BPTF: variants seen among roughly 807,000 people sequenced by gnomAD.
The protein encoded by BPTF is bromodomain PHD finger transcription factor.
A neutral mutation model predicts 292.5 loss-of-function variants in BPTF; 18 were observed. The ratio of observed to expected loss-of-function variants is 0.06; its 90% CI spans 0.04 to 0.09. The LOEUF (loss-of-function observed/expected upper bound fraction) is 0.09, where lower values mean the gene tolerates loss of function less well. BPTF is among the 10% of genes least tolerant of loss of function. BPTF has a pLI of 1.00. For synonymous variants in BPTF, 1,225 were observed against 1,251.9 expected, an observed-to-expected ratio of 0.98 and a Z score of 0.45; for missense variants, 2,726 against 3,498.7, an observed-to-expected ratio of 0.78 and a Z score of 5.57.
At chr17:67,947,067 C>T (rs7501555) in intron 21 of BPTF, among the ~76,000 whole-genome samples, 35,671 of 152,186 alleles carry the variant, frequency 0.23, 5,441 homozygotes, top group Non-Finnish European at 0.33. Context: ...TCACTTATCC[C>T]TCCTTAGCTA....
In BPTF at chr17:67,911,567, C is replaced by T. The variant is rs1305706971; in HGVS notation, c.3683C>T (p.Thr1228Ile). 6.8e-6 allele frequency: 11 copies of T among 1,614,006 alleles called. No individual in the cohort carries two copies. Among genetic ancestry groups the T allele is most frequent in the Non-Finnish European group, 9.3e-6 (11 of 1,180,028 alleles). Reference sequence around the variant, plus strand: ...CTAGCCAGTGCAGATGATATTGGTACTTTGATCTGTAAGAACAAAAAACCG... The same window carrying T: ...CTAGCCAGTGCAGATGATATTGGTATTTTGATCTGTAAGAACAAAAAACCG... ...SKLASADDIGTLICKNKKPLI... is the reference protein window; with the variant it reads ...SKLASADDIGILICKNKKPLI... Residue 1228 changes from threonine (T) to isoleucine (I), a missense_variant, in exon 11 of 28, where the codon ACT (threonine) becomes ATT (isoleucine). Physicochemically the swap from Thr to Ile is moderately conservative, Grantham distance 89. This residue lies in a region of BPTF where 713 missense variants were observed against 714.9 expected (regional missense o/e 1.00). Transcript: ENST00000306378.
At chr17:67,976,714 A>AG (rs1338290381) in intron 27 of BPTF, among the ~76,000 whole-genome samples, 79,241 of 116,522 alleles carry the variant, frequency 0.68, 27,122 homozygotes, top group Non-Finnish European at 0.77. Context: ...AAAAAAAAAA[A>AG]ATAAGAATAA....
intron 27 of BPTF, among the ~76,000 whole-genome samples, chr17:67,979,811 C>T (rs1468754206): frequency 1.1e-4 from 16 of 151,642 alleles, no homozygotes; most frequent in African/African-American, 3.2e-4. Context: ...AAGGCCGAGG[C>T]GGGCGGATCA....
intron 20 of BPTF, among the ~76,000 whole-genome samples, chr17:67,945,067 G>C (rs972506337): frequency 6.6e-6 from 1 of 152,106 alleles, no homozygotes; most frequent in Non-Finnish European, 1.5e-5. Flanking sequence ...ACAGGGTCTT[G>C]CTCTGTCGCC....
chr17:67,864,738 A>G (rs1248627480), intron 2 of BPTF, among the ~76,000 whole-genome samples: 1 of 152,078 alleles, frequency 6.6e-6, no homozygotes, highest in Non-Finnish European at 1.5e-5. Flanking sequence ...AATGCTGTGG[A>G]TCAGAAGTAT....
At position 67,826,135 on chromosome 17, in the gene BPTF, G is replaced by A. The variant is rs1454270371; in HGVS notation, c.411G>A (p.Glu137=). Residue 137 remains glutamate, a synonymous_variant, in exon 1 of 28, where the codon GAG becomes GAA. Transcript: ENST00000306378. ...ACGAGAGCGAGGAGGAGGAGGAAGAGGAGGACATGGTCTCCGAGGAGGAGG... is the reference window on the plus strand; with the variant it reads ...ACGAGAGCGAGGAGGAGGAGGAAGAAGAGGACATGGTCTCCGAGGAGGAGG... ...DDHESEEEEE[E]EDMVSEEEEE... is the part of the protein sequence containing the mutation. 2 of 1,456,976 alleles carry A rather than the reference G, an allele frequency of 1.4e-6. No homozygotes were observed. The highest frequency in any genetic ancestry group is 2.3e-5 in the South Asian group (2 of 87,452). 90.3% of individuals were successfully genotyped at this position (1,456,976 alleles called of 1,614,324 possible).
intron 26 of BPTF, among the ~76,000 whole-genome samples, chr17:67,970,259 AG>A (rs1568215384): frequency 6.6e-6 from 1 of 151,658 alleles, no homozygotes; most frequent in Non-Finnish European, 1.5e-5. Context: ...AAATTTAGCC[AG>A]GCATGGTGCC....
chr17:67,879,334 G>A (rs1480947305), intron 4 of BPTF, among the ~76,000 whole-genome samples: 5 of 151,950 alleles, frequency 3.3e-5, no homozygotes, highest in African/African-American at 1.2e-4. Context: ...TAGAGACGGG[G>A]TTTCACCATG....
At chr17:67,871,123 C>T (rs553758735) in intron 3 of BPTF, among the ~76,000 whole-genome samples, 15 of 152,188 alleles carry the variant, frequency 9.9e-5, no homozygotes, top group African/African-American at 2.9e-4. Context: ...TACACACACA[C>T]GTGTCTACTT....
intron 9 of BPTF, among the ~76,000 whole-genome samples, chr17:67,907,962 A>T (rs2062351547): frequency 6.6e-6 from 1 of 152,138 alleles, no homozygotes; most frequent in African/African-American, 2.4e-5. Context: ...CTGTTATATA[A>T]ACTTCAAGGA....
At chr17:67,913,944 T>C (rs999411618) in intron 11 of BPTF, among the ~76,000 whole-genome samples, 1 of 152,248 alleles carries the variant, frequency 6.6e-6, no homozygotes, top group Non-Finnish European at 1.5e-5. Flanking sequence ...TCTAGTACTT[T>C]ATTTGCTGTA....
At chr17:67,870,170 T>A (rs2059635635) in intron 3 of BPTF, among the ~76,000 whole-genome samples, 1 of 152,206 alleles carries the variant, frequency 6.6e-6, no homozygotes, top group South Asian at 2.1e-4. Flanking sequence ...TAGTACTACA[T>A]GGAGTACATG....
intron 10 of BPTF, among the ~76,000 whole-genome samples, chr17:67,910,404 C>T (rs2062572663): frequency 6.6e-6 from 1 of 152,084 alleles, no homozygotes; most frequent in Non-Finnish European, 1.5e-5. Context: ...CATATGGTAA[C>T]TCTGTTTAAC....
intron 4 of BPTF, among the ~76,000 whole-genome samples, chr17:67,884,770 A>G (rs756236945): frequency 1.3e-5 from 2 of 151,886 alleles, no homozygotes; most frequent in Non-Finnish European, 2.9e-5. Context: ...TACTCCAATG[A>G]ATAGCTAGCT....
At position 67,912,339 on chromosome 17, in the gene BPTF, G is replaced by T. The variant is rs746220306; in HGVS notation, c.4455G>T (p.Ser1485=). The change falls in exon 11 of 28, where the codon TCG becomes TCT. Residue 1485 remains serine, a synonymous_variant. Coordinates refer to ENST00000306378, the MANE Select transcript of BPTF (RefSeq NM_182641.4). ...FNERNSSETK[S]HLLSSSDAEG... ...AAAGAAACAGCTCCGAAACAAAATC[G>T]CATTTGCTGAGTTCTTCAGATGCTG... 1 of 1,613,744 alleles carries T rather than the reference G, an allele frequency of 6.2e-7. No homozygotes were observed. The highest frequency in any genetic ancestry group is 1.1e-5 in the South Asian group (1 of 91,050).
In BPTF at chr17:67,893,556, A is replaced by G; in HGVS notation, c.2242A>G (p.Arg748Gly). The stretch of plus-strand genomic sequence containing the variant: ...CCAGCACAGAGAAGACCATGATAAG[A>G]GAAGGCATCTTGCACATAAGTTCTG... The part of the protein sequence containing the change: ...KHQHREDHDK[R>G]RHLAHKFCLT... Residue 748 changes from arginine (R) to glycine (G), a missense_variant, in exon 6 of 28, where the codon AGA becomes GGA. Arg to Gly is a moderately radical substitution (Grantham distance 125). Coordinates refer to ENST00000306378, the MANE Select transcript of BPTF (RefSeq NM_182641.4). The G allele has an allele frequency of 6.2e-7, 1 of 1,614,114 alleles. No individual in the cohort carries two copies. The highest frequency in any genetic ancestry group is 8.5e-7 in the Non-Finnish European group (1 of 1,179,970).
In BPTF at chr17:67,918,898, C is replaced by T. The variant is rs533315971; in HGVS notation, c.5428+60C>T. On this transcript the variant is annotated intron_variant, in intron 12 of 27. Coordinates refer to ENST00000306378, the MANE Select transcript of BPTF (RefSeq NM_182641.4). ...TTAAAAGCTAAAATCACAGGCCAGGCGTGGGCGCTCATGCCTGTAATCCCA... is the reference window on the plus strand; with the variant it reads ...TTAAAAGCTAAAATCACAGGCCAGGTGTGGGCGCTCATGCCTGTAATCCCA... 1.4e-4 allele frequency: 219 copies of T among 1,563,842 alleles called. 1 individual carries two copies. In the Admixed American group the frequency reaches 1.6e-3, roughly 11 times the overall value.
chr17:67,909,819 G>A, intron 10 of BPTF, 58 bp downstream of exon 10: 1 of 1,370,818 alleles, frequency 7.3e-7, no homozygotes, highest in Non-Finnish European at 9.6e-7. Context: ...ACTGGATCAG[G>A]GTCCCACCAC....
At chr17:67,881,832 T>C (rs542007106) in intron 4 of BPTF, among the ~76,000 whole-genome samples, 5 of 146,426 alleles carry the variant, frequency 3.4e-5, no homozygotes, top group African/African-American at 1.3e-4. Flanking sequence ...GACTGTAATA[T>C]GGAGTTTTGG....
Sources: gnomAD v4.1 joint callset for allele counts (sites outside exome capture counted in the v4.1 genomes callset) on GRCh38, gnomAD v4.1.1 for gene constraint, gnomAD v4.1.1 regional missense constraint, MANE v1.5 for transcripts, NCBI Gene and HGNC (gene_info 2026-07-23, HGNC 2026-07-21) for gene names.